CLHC1: variants seen among roughly 807,000 people sequenced by gnomAD.
CLHC1 encodes clathrin heavy chain linker domain containing 1.
In CLHC1, 72 loss-of-function variants were observed where a neutral mutation model predicts 69.5. The observed-to-expected ratio is 1.04, with a 90% CI of 0.86 to 1.26. The LOEUF is 1.26. Among genes scored for constraint, CLHC1 ranks in the 50% most tolerant of loss-of-function variants. CLHC1 has a pLI of 0.00. For missense variants in CLHC1, 790 were observed against 679.3 expected, an observed-to-expected ratio of 1.16 and a Z score of -1.81; for synonymous variants, 223 against 224.3, an observed-to-expected ratio of 0.99 and a Z score of 0.05.
chr2:55,204,550 AC>A (rs1672256941), intron 9 of CLHC1, among the ~76,000 whole-genome samples: 1 of 152,156 alleles, frequency 6.6e-6, no homozygotes, highest in Non-Finnish European at 1.5e-5. Flanking sequence ...TACGGAAAAC[AC>A]TTTGGAGGTT....
intron 5 of CLHC1, among the ~76,000 whole-genome samples, chr2:55,210,413 CTTGA>C (rs1672877856): frequency 6.6e-6 from 1 of 151,698 alleles, no homozygotes; most frequent in African/African-American, 2.4e-5. Context: ...CCAGGCTGGT[CTTGA>C]ACTCCTGACC....
chr2:55,178,551 A>T (rs1357135391), intron 11 of CLHC1, among the ~76,000 whole-genome samples: 1 of 152,172 alleles, frequency 6.6e-6, no homozygotes, highest in Non-Finnish European at 1.5e-5. Context: ...CACCATAGGC[A>T]TAATGATTGT....
At chr2:55,184,097 T>C (rs1279078123) in intron 9 of CLHC1, among the ~76,000 whole-genome samples, 2 of 8,822 alleles carry the variant, frequency 2.3e-4, no homozygotes, top group African/African-American at 1.9e-3. Context: ...CTCTTTTCTT[T>C]CTTTCTTTAT....
chr2:55,183,937 C>G (rs985514059), intron 9 of CLHC1, among the ~76,000 whole-genome samples: 1 of 152,038 alleles, frequency 6.6e-6, no homozygotes, highest in Non-Finnish European at 1.5e-5. Flanking sequence ...CGTGCTACCA[C>G]GCCCGGCTAA....
chr2:55,208,801 A>T, intron 7 of CLHC1, 91 bp from the exon 8 acceptor site: 1 of 779,008 alleles, frequency 1.3e-6, no homozygotes, highest in Admixed American at 2.0e-5. Flanking sequence ...CCAACAGCTT[A>T]TTGCTATGGC....
rs1671371154 is a variant in CLHC1 at position 55,195,945 on chromosome 2, G to C, written c.1006+10325C>G. ...ACTGAAAGAGGCACTGAAGAGGGTA[G>C]AAAGACAGTATTGAATTGCCAACTC... On this transcript the variant is annotated intron_variant, in intron 9 of 12. Coordinates refer to ENST00000401408, the MANE Select transcript of CLHC1 (RefSeq NM_152385.4). Among the ~76,000 whole-genome samples the C allele has an allele frequency of 3.9e-5, 6 of 152,248 alleles. 1 individual carries two copies. The highest frequency in any genetic ancestry group is 4.1e-4 in the South Asian group (2 of 4,832).
At chr2:55,205,070 T>C (rs1164725117) in intron 9 of CLHC1, among the ~76,000 whole-genome samples, 1 of 152,030 alleles carries the variant, frequency 6.6e-6, no homozygotes, top group East Asian at 1.9e-4. Context: ...TGAGATACCA[T>C]CTTACACCAA....
In CLHC1 at chr2:55,175,966, T is replaced by C; in HGVS notation, c.1585A>G (p.Ile529Val). 2 of 1,613,796 alleles carry C rather than the reference T, an allele frequency of 1.2e-6. No individual in the cohort carries two copies. The highest frequency in any genetic ancestry group is 1.7e-6 in the Non-Finnish European group (2 of 1,179,742). Residue 529 changes from isoleucine (I) to valine (V), a missense_variant, in exon 13 of 13, where the codon ATA becomes GTA. Transcript: ENST00000401408. ...GGIDAVESLM[I>V]NDSFCSIEKW... ...TCTATGGAGCAAAAGGAATCATTTA[T>C]CATAAGACTTTCTACTGCATCTGTG... is the stretch of plus-strand genomic sequence containing the variant.
chr2:55,201,464 A>G (rs1671938383), intron 9 of CLHC1, among the ~76,000 whole-genome samples: 1 of 152,184 alleles, frequency 6.6e-6, no homozygotes, highest in Non-Finnish European at 1.5e-5. Context: ...CCAATATTGA[A>G]CCATGAAGAA....
At chr2:55,219,303 A>G (rs998105829) in intron 3 of CLHC1, among the ~76,000 whole-genome samples, 3 of 152,198 alleles carry the variant, frequency 2.0e-5, no homozygotes, top group African/African-American at 7.2e-5. Context: ...AGATTTCAGA[A>G]GAGCACTCAT....
At chr2:55,194,878 T>C (rs1158318460) in intron 9 of CLHC1, among the ~76,000 whole-genome samples, 1 of 152,138 alleles carries the variant, frequency 6.6e-6, no homozygotes, top group Non-Finnish European at 1.5e-5. Context: ...TTTGTGCATG[T>C]GTATTGAGAA....
At chr2:55,197,001 T>G (rs1451689831) in intron 9 of CLHC1, among the ~76,000 whole-genome samples, 1 of 152,124 alleles carries the variant, frequency 6.6e-6, no homozygotes, top group African/African-American at 2.4e-5. Context: ...CTGGTAGCAT[T>G]CACCACTAGC....
intron 9 of CLHC1, among the ~76,000 whole-genome samples, chr2:55,198,243 C>T (rs527441439): frequency 6.6e-6 from 1 of 152,212 alleles, no homozygotes; most frequent in South Asian, 2.1e-4. Flanking sequence ...AGTTATTGGT[C>T]TTAAAGAGGA....
At chr2:55,209,235 A>T (rs893077367) in intron 7 of CLHC1, among the ~76,000 whole-genome samples, 169 bp downstream of exon 7, 1 of 152,044 alleles carries the variant, frequency 6.6e-6, no homozygotes, top group Admixed American at 6.6e-5. Context: ...TCTATTCTTT[A>T]CTAATTATCT....
intron 8 of CLHC1, 140 bp downstream of exon 8, chr2:55,208,486 C>T (rs1236240991): frequency 8.8e-6 from 5 of 568,684 alleles, no homozygotes; most frequent in Non-Finnish European, 1.5e-5. Context: ...AATGCTTAAC[C>T]TGTATAAATA....
At chr2:55,184,955 CACACACAA>C (rs1225949480) in intron 9 of CLHC1, among the ~76,000 whole-genome samples, 51 of 148,960 alleles carry the variant, frequency 3.4e-4, no homozygotes, top group African/African-American at 7.6e-4. Flanking sequence ...CACACACACA[CACACACAA>C]AGATTTCCTA....
intron 9 of CLHC1, among the ~76,000 whole-genome samples, chr2:55,198,042 T>A: frequency 6.6e-6 from 1 of 152,136 alleles, no homozygotes; most frequent in East Asian, 1.9e-4. Context: ...ATTCTGGAGT[T>A]GAAAAATGCA....
At chr2:55,210,575 A>T (rs73936959) in intron 5 of CLHC1, among the ~76,000 whole-genome samples, 10,677 of 152,068 alleles carry the variant, frequency 0.07, 1,189 homozygotes, top group African/African-American at 0.24. Context: ...CTGAAAAAAA[A>T]TTTTTTAGTG....
At chr2:55,219,060 G>C (rs1673859594) in intron 3 of CLHC1, among the ~76,000 whole-genome samples, 1 of 152,138 alleles carries the variant, frequency 6.6e-6, no homozygotes, top group Non-Finnish European at 1.5e-5. Flanking sequence ...GATACTTGTG[G>C]TCTTTTAGAC....
Sources: allele counts gnomAD v4.1 joint callset (sites outside exome capture counted in the v4.1 genomes callset), GRCh38; gene constraint gnomAD v4.1.1; transcripts MANE v1.5; gene names NCBI Gene and HGNC (gene_info 2026-07-23, HGNC 2026-07-21).